Variants in GDI2 observed in about 807,000 individuals in gnomAD.
GDI2 encodes rab GDP dissociation inhibitor beta.
GDI2 carries 22 observed loss-of-function variants against 54.2 expected under a neutral mutation model. That is an observed-to-expected ratio of 0.41 (90% CI 0.29 to 0.58). The LOEUF (loss-of-function observed/expected upper bound fraction) is 0.58, where lower values mean the gene tolerates loss of function less well. Among genes scored for constraint, GDI2 ranks in the 20% least tolerant of loss-of-function variants. The probability of loss-of-function intolerance (pLI) is 0.35; values close to 1 mark genes in which losing one functional copy is unlikely to be tolerated. For missense variants in GDI2, 422 were observed against 546.0 expected, an observed-to-expected ratio of 0.77 and a Z score of 2.26; for synonymous variants, 177 against 182.1, an observed-to-expected ratio of 0.97 and a Z score of 0.23.
At chr10:5,775,589 C>T (rs1391690439) in intron 6 of GDI2, among the ~76,000 whole-genome samples, 2 of 152,114 alleles carry the variant, frequency 1.3e-5, no homozygotes, top group Non-Finnish European at 2.9e-5. Context: ...AAGGAGCCAA[C>T]AAATCTATGA....
At chr10:5,785,348 A>C in intron 5 of GDI2, 75 bp from the exon 6 acceptor site, 1 of 1,070,150 alleles carries the variant, frequency 9.3e-7, no homozygotes, top group Non-Finnish European at 1.4e-6. Context: ...ATTTTTTTTG[A>C]AGCGATTTCA....
At chr10:5,781,324 A>G (rs375472911) in intron 6 of GDI2, among the ~76,000 whole-genome samples, 2 of 151,700 alleles carry the variant, frequency 1.3e-5, no homozygotes, top group East Asian at 3.9e-4. Flanking sequence ...CCTTGGGGGC[A>G]AGTAAAAGAC....
intron 6 of GDI2, among the ~76,000 whole-genome samples, chr10:5,783,168 G>C (rs1420102122): frequency 1.3e-5 from 2 of 152,018 alleles, no homozygotes; most frequent in Non-Finnish European, 2.9e-5. Context: ...CCTTCACTCA[G>C]GTTTTAGTTA....
chr10:5,802,323 G>A (rs924390925), intron 1 of GDI2, among the ~76,000 whole-genome samples: 11 of 152,174 alleles, frequency 7.2e-5, no homozygotes, highest in South Asian at 6.2e-4. Context: ...AAACTTGGCC[G>A]GGCACAGCTG....
In GDI2 at chr10:5,766,379, G is replaced by T. The variant is rs1303543019; in HGVS notation, c.1137-84C>A. On this transcript the variant is annotated intron_variant, in intron 9 of 10. Transcript: ENST00000380191. The surrounding 1 kb of genome is among the most constrained non-coding windows in gnomAD (Gnocchi z 5.8). ...CTGAGGTCAACTGAGAGGTACAGAT[G>T]AATCCCACAGAGCAGCCAGCAGCTA... The T allele has an allele frequency of 6.7e-7, 1 of 1,486,182 alleles. No homozygotes were observed. The highest frequency in any genetic ancestry group is 9.4e-7 in the Non-Finnish European group (1 of 1,063,606). 92.1% of individuals were successfully genotyped at this position (1,486,182 alleles called of 1,614,324 possible). A position where few individuals can be genotyped will look rare whatever the true frequency, so the allele number is the denominator to read the frequency against.
chr10:5,777,690 G>A (rs1173970918), intron 6 of GDI2, among the ~76,000 whole-genome samples: 4 of 152,182 alleles, frequency 2.6e-5, no homozygotes, highest in African/African-American at 9.7e-5. Flanking sequence ...GTTGGTGGGA[G>A]TGTAAATTAG....
chr10:5,784,985 A>G (rs10752108), intron 6 of GDI2, among the ~76,000 whole-genome samples, 157 bp downstream of exon 6: 149,866 of 152,360 alleles, frequency 0.98, 73,760 homozygotes, highest in Non-Finnish European at 1. Context: ...CTGAAGATCC[A>G]TGCATATCAT....
Position 5,800,543 on chromosome 10 carries a change from A to C in GDI2, c.153+55T>G, listed in dbSNP as rs1378367990. ...TCTCTAAGGAATAAGGTAGAGATTC[A>C]CAAGTGAAATACTCACAAAGTGTGA... On this transcript the variant is annotated intron_variant, in intron 2 of 10. Coordinates refer to ENST00000380191, the MANE Select transcript of GDI2 (RefSeq NM_001494.4). 5.9e-6 allele frequency: 5 copies of C among 850,172 alleles called. No individual in the cohort carries two copies. The South Asian group carries it at 6.6e-5, about 11-fold the overall frequency. 52.7% of individuals were successfully genotyped at this position (850,172 alleles called of 1,614,324 possible).
intron 2 of GDI2, among the ~76,000 whole-genome samples, chr10:5,798,928 T>G (rs1288584508): frequency 6.6e-6 from 1 of 151,784 alleles, no homozygotes; most frequent in Admixed American, 6.6e-5. Flanking sequence ...GAGCCGAGAC[T>G]GCACCACTAC....
intron 5 of GDI2, among the ~76,000 whole-genome samples, chr10:5,785,591 G>A (rs916657838): frequency 6.6e-6 from 1 of 152,118 alleles, no homozygotes; most frequent in South Asian, 2.1e-4. Flanking sequence ...GGCCAGGCTG[G>A]TCTTGAACTC....
At chr10:5,767,945 G>T (rs1056653041) in intron 8 of GDI2, among the ~76,000 whole-genome samples, 1 of 152,162 alleles carries the variant, frequency 6.6e-6, no homozygotes, top group African/African-American at 2.4e-5. Flanking sequence ...CCTACTGTTA[G>T]TTAGAGCTGG....
chr10:5,791,839 T>C (rs1321622436), intron 4 of GDI2, among the ~76,000 whole-genome samples: 1 of 151,342 alleles, frequency 6.6e-6, no homozygotes, highest in Non-Finnish European at 1.5e-5. Flanking sequence ...TTGCTTCAAC[T>C]CAGGAGACAG....
Position 5,794,920 on chromosome 10 carries a change from T to C in GDI2, c.353A>G (p.Lys118Arg). The C allele has an allele frequency of 2.5e-6, 4 of 1,606,786 alleles. No homozygotes were observed. The highest frequency in any genetic ancestry group is 3.4e-6 in the Non-Finnish European group (4 of 1,173,340). Residue 118 changes from lysine to arginine, a missense_variant, in exon 4 of 11, where the codon AAG (lysine) becomes AGG (arginine). By Grantham distance (26) the Lys-to-Arg change is conservative. Coordinates refer to ENST00000380191, the MANE Select transcript of GDI2 (RefSeq NM_001494.4). ...SFVYKGGKIY[K>R]VPSTEAEALA... ...GGCTTCTGCTTCAGTGGAAGGAACCTTGTAGATTTTTCCACCCTTATAGAC... is the reference window on the plus strand; with the variant it reads ...GGCTTCTGCTTCAGTGGAAGGAACCCTGTAGATTTTTCCACCCTTATAGAC...
chr10:5,765,738 C>T lies in GDI2; in HGVS notation c.*268G>A, dbSNP rs542298196. ...AAAAACTGTCTCAAGTTGTCTGTGT[C>T]GGTATCCCAATGTTTGTTTAACTTC... On this transcript the variant is annotated 3_prime_UTR_variant, in exon 11 of 11. Transcript: ENST00000380191. 3.3e-5 allele frequency: 12 copies of T among 368,904 alleles called. No homozygotes were observed. Among genetic ancestry groups the T allele is most frequent in the East Asian group, 2.3e-4 (4 of 17,294 alleles). 22.9% of individuals were successfully genotyped at this position (368,904 alleles called of 1,614,324 possible). A position where few individuals can be genotyped will look rare whatever the true frequency, so the allele number is the denominator to read the frequency against.
intron 1 of GDI2, among the ~76,000 whole-genome samples, chr10:5,806,024 C>T (rs369508157): frequency 3.9e-4 from 60 of 152,304 alleles, no homozygotes; most frequent in African/African-American, 1.4e-3. Flanking sequence ...TCAACATTCT[C>T]GCATGTGTCT....
Position 5,766,726 on chromosome 10 carries a change from T to G in GDI2, c.992-88A>C. ...GGTATCACCCATATGTCATGAGGTG[T>G]GAGTTAAAATTACTCTCAATAGGCA... is the stretch of plus-strand genomic sequence containing the variant. On this transcript the variant is annotated intron_variant, in intron 8 of 10. Transcript: ENST00000380191. This position sits in a 1 kb window ranked among gnomAD's most constrained non-coding sequence, Gnocchi z 5.8. The G allele has an allele frequency of 9.7e-7, 1 of 1,032,470 alleles. No individual in the cohort carries two copies. The highest frequency in any genetic ancestry group is 1.5e-6 in the Non-Finnish European group (1 of 676,842). 64.0% of individuals were successfully genotyped at this position (1,032,470 alleles called of 1,614,324 possible).
chr10:5,776,418 A>T lies in GDI2; in HGVS notation c.720-2477T>A. ...GAAATGCCTGCCTGAGATTCAAGGG[A>T]TCTTTGACAGGGATCCAGACACGCT... is the stretch of plus-strand genomic sequence containing the variant. On this transcript the variant is annotated intron_variant, in intron 6 of 10. Transcript: ENST00000380191. This position sits in a 1 kb window ranked among gnomAD's most constrained non-coding sequence, Gnocchi z 5.3. The T allele has an allele frequency of 1.3e-6, 1 of 791,408 alleles. No homozygotes were observed. 49.0% of individuals were successfully genotyped at this position (791,408 alleles called of 1,614,324 possible).
intron 4 of GDI2, among the ~76,000 whole-genome samples, chr10:5,789,314 G>A (rs1840954026): frequency 6.6e-6 from 1 of 151,958 alleles, no homozygotes; most frequent in Admixed American, 6.6e-5. Flanking sequence ...TGCCCAGGCT[G>A]ATCTCGAACT....
intron 6 of GDI2, among the ~76,000 whole-genome samples, chr10:5,781,622 C>T (rs1374997221): frequency 1.9e-5 from 2 of 104,590 alleles, no homozygotes; most frequent in Admixed American, 1.2e-4. Flanking sequence ...CAGACTCTGT[C>T]TCCAAAAAAA....
Sources: gnomAD v4.1 joint callset for allele counts (sites outside exome capture counted in the v4.1 genomes callset) on GRCh38, gnomAD v4.1.1 for gene constraint, Gnocchi (gnomAD v3.1) non-coding constraint, MANE v1.5 for transcripts, NCBI Gene and HGNC (gene_info 2026-07-23, HGNC 2026-07-21) for gene names.